Variants in ADGRD2 observed in about 807,000 individuals in gnomAD.
ADGRD2 encodes G protein-coupled receptor PGR24.
In ADGRD2, 71 loss-of-function variants were observed where a neutral mutation model predicts 44.4. That is an observed-to-expected ratio of 1.60 (90% CI 1.32 to 1.95). The LOEUF (loss-of-function observed/expected upper bound fraction) is 1.95. ADGRD2 is among the 30% of genes most tolerant of loss of function. The pLI is 0.00. For missense variants in ADGRD2, 1,039 were observed against 512.4 expected (o/e 2.03, Z -9.92); for synonymous variants, 481 against 224.8 (o/e 2.14, Z -10.19).
intron 10 of ADGRD2, among the ~76,000 whole-genome samples, chr9:124,463,398 G>T (rs1831755189): frequency 6.6e-6 from 1 of 152,112 alleles, no homozygotes; most frequent in African/African-American, 2.4e-5. Flanking sequence ...GTATTTTGTT[G>T]AGGATTTTTA....
intron 11 of ADGRD2, chr9:124,466,645 A>G (rs945333545): frequency 2.9e-6 from 1 of 346,974 alleles, no homozygotes; most frequent in Non-Finnish European, 5.2e-6. Context: ...CCCCGTCTCT[A>G]CCAAAAATGC....
At position 124,454,350 on chromosome 9, in the gene ADGRD2, G is replaced by A. The variant is rs2131228135; in HGVS notation, c.1023-134G>A. 4.9e-6 allele frequency: 3 copies of A among 612,736 alleles called. No individual in the cohort carries two copies. The East Asian group carries it at 8.3e-5, about 17-fold the overall frequency. 38.0% of individuals were successfully genotyped at this position (612,736 alleles called of 1,614,324 possible). Reference sequence around the variant, plus strand: ...TCCCCATCTAGAACACCGTGTGTAAGACTCTGGACACACAGCCATCAAGGT... The same window carrying A: ...TCCCCATCTAGAACACCGTGTGTAAAACTCTGGACACACAGCCATCAAGGT... On this transcript the variant is annotated intron_variant, in intron 4 of 21. Coordinates refer to ENST00000334810, the Ensembl canonical transcript of ADGRD2. The surrounding 1 kb of genome is among the most constrained non-coding windows in gnomAD (Gnocchi z 4.5).
At chr9:124,473,723 C>CGA (rs1228997049) in intron 17 of ADGRD2, among the ~76,000 whole-genome samples, 1 of 152,110 alleles carries the variant, frequency 6.6e-6, no homozygotes, top group Non-Finnish European at 1.5e-5. Flanking sequence ...TGACTGAGGC[C>CGA]GAGAGACAAG....
rs1238373129 is a variant in ADGRD2, at chr9:124,454,223, C to T, written c.1022+126C>T. 8.4e-6 allele frequency: 5 copies of T among 598,376 alleles called. No homozygotes were observed. In the African/African-American group the frequency reaches 9.3e-5, roughly 11 times the overall value. The allele number at this position is 598,376 out of a possible 1,614,324, so 37.1% of individuals were successfully genotyped here. On this transcript the variant is annotated intron_variant, in intron 4 of 21. Transcript: ENST00000334810. This position sits in a 1 kb window ranked among gnomAD's most constrained non-coding sequence, Gnocchi z 4.5. ...GAATAAACTCAGAGCTTCAAGGTCT[C>T]CATGGAGTCTAGGCCACAGAGCAGT...
chr9:124,452,934 A>C, intron 2 of ADGRD2, 101 bp from the exon 6 acceptor site: 1 of 604,564 alleles, frequency 1.7e-6, no homozygotes, highest in Non-Finnish European at 2.9e-6. Context: ...GTGGGGAGGC[A>C]TCCCAAAGCC....
At chr9:124,477,317 C>T (rs1165448291) in intron 21 of ADGRD2, among the ~76,000 whole-genome samples, 2 of 152,210 alleles carry the variant, frequency 1.3e-5, no homozygotes, top group African/African-American at 4.8e-5. Context: ...CGGACCCTGA[C>T]CGCTGGCCGC....
intron 10 of ADGRD2, among the ~76,000 whole-genome samples, chr9:124,461,124 CT>C (rs1373404394): frequency 1.3e-5 from 2 of 152,182 alleles, no homozygotes; most frequent in African/African-American, 4.8e-5. Context: ...ATCTTCAAAT[CT>C]TTTCCCCAAT....
chr9:124,454,173 G>A lies in ADGRD2; in HGVS notation c.1022+76G>A. 1 of 608,408 alleles carries A rather than the reference G, an allele frequency of 1.6e-6. No homozygotes were observed. The highest frequency in any genetic ancestry group is 2.8e-5 in the East Asian group (1 of 36,044). 37.7% of individuals were successfully genotyped at this position (608,408 alleles called of 1,614,324 possible). On this transcript the variant is annotated intron_variant, in intron 4 of 21. Transcript: ENST00000334810. The surrounding 1 kb of genome is among the most constrained non-coding windows in gnomAD (Gnocchi z 4.5). ...ACCGGAGTAGACTGAGAGGGGGTGA[G>A]CTGCTGGCAAAGTCTGGGAATTCAG...
At position 124,454,944 on chromosome 9, in the gene ADGRD2, T is replaced by TC. The variant is rs1222639807; in HGVS notation, c.1214dup (p.Leu406ProfsTer53). ...AGCATGTCCTGGCGATGGAGATGGC[T>TC]CCCCTGGGGCCGGCCGCACTGCTGG... On this transcript the variant is annotated frameshift_variant, in exon 6 of 22. Transcript: ENST00000334810. LOFTEE classifies it high-confidence loss of function. This position sits in a 1 kb window ranked among gnomAD's most constrained non-coding sequence, Gnocchi z 4.5. 3 of 717,650 alleles carry TC rather than the reference T, an allele frequency of 4.2e-6. No individual in the cohort carries two copies. The highest frequency in any genetic ancestry group is 7.8e-6 in the Non-Finnish European group (3 of 385,086). 44.5% of individuals were successfully genotyped at this position (717,650 alleles called of 1,614,324 possible).
At position 124,478,262 on chromosome 9, in the gene ADGRD2, G is replaced by C. The variant is rs1161115674; in HGVS notation, c.*19-19G>C. ...GGATCCTCTGCCAGCCCAGCCCCAAGGGCGCACTTTCCCACCAGGTTTCTA... is the reference window on the plus strand; with the variant it reads ...GGATCCTCTGCCAGCCCAGCCCCAACGGCGCACTTTCCCACCAGGTTTCTA... On this transcript the variant is annotated intron_variant, in intron 21 of 21. Coordinates refer to ENST00000334810, the Ensembl canonical transcript of ADGRD2. 6.6e-6 allele frequency: 1 copy of C among 152,654 alleles called. No homozygotes were observed. Among genetic ancestry groups the C allele is most frequent in the Non-Finnish European group, 1.5e-5 (1 of 68,404 alleles). The allele number at this position is 152,654 out of a possible 1,614,324, so 9.5% of individuals were successfully genotyped here. A position where few individuals can be genotyped will look rare whatever the true frequency, so the allele number is the denominator to read the frequency against.
upstream of ADGRD2, chr9:124,451,683 A>G (rs954796886): frequency 7.8e-6 from 2 of 257,982 alleles, no homozygotes; most frequent in African/African-American, 2.3e-5. Flanking sequence ...CCGTGGTGCT[A>G]CTGTTTCCTC....
At chr9:124,467,883 T>A (rs1831858532) in intron 12 of ADGRD2, 59 bp downstream of exon 15, 1 of 715,076 alleles carries the variant, frequency 1.4e-6, no homozygotes, top group Non-Finnish European at 2.6e-6. Flanking sequence ...CGCTCAGGCC[T>A]CCATGTCCCC....
chr9:124,467,145 C>T (rs1831838491), intron 11 of ADGRD2: 1 of 152,910 alleles, frequency 6.5e-6, no homozygotes, highest in African/African-American at 2.4e-5. Flanking sequence ...CCATCCTGGC[C>T]AACATGGTGA....
At chr9:124,460,899 G>C (rs577746759) in intron 10 of ADGRD2, among the ~76,000 whole-genome samples, 1 of 152,274 alleles carries the variant, frequency 6.6e-6, no homozygotes, top group African/African-American at 2.4e-5. Flanking sequence ...CAAAGTGGTT[G>C]AACCATTTTT....
intron 10 of ADGRD2, chr9:124,465,912 A>G (rs1564141288): frequency 5.6e-6 from 1 of 179,278 alleles, no homozygotes; most frequent in African/African-American, 2.3e-5. Flanking sequence ...AACTTGATCT[A>G]TCTGAGGCCG....
chr9:124,473,777 G>A (rs770257282), intron 17 of ADGRD2, among the ~76,000 whole-genome samples: 3 of 152,192 alleles, frequency 2.0e-5, no homozygotes, highest in Non-Finnish European at 2.9e-5. Flanking sequence ...ACAACTCATC[G>A]GAGGCAGAAT....
chr9:124,452,121 TC>T lies in ADGRD2; in HGVS notation c.35del (p.Gln13ArgfsTer2). The T allele has an allele frequency of 1.4e-6, 1 of 714,008 alleles. No individual in the cohort carries two copies. Among genetic ancestry groups the T allele is most frequent in the Non-Finnish European group, 2.6e-6 (1 of 383,268 alleles). The allele number at this position is 714,008 out of a possible 1,614,324, so 44.2% of individuals were successfully genotyped here. ...GAGTCTCTCTGGGACCCCCTCCAAC[TC>T]CCCAGGTGAATCAAGGAACCCTTGG... On this transcript the variant is annotated frameshift_variant, in exon 1 of 22. Coordinates refer to ENST00000334810, the Ensembl canonical transcript of ADGRD2. LOFTEE classifies it high-confidence loss of function.
chr9:124,458,035 G>C, intron 8 of ADGRD2, 78 bp from the exon 12 acceptor site: 2 of 705,736 alleles, frequency 2.8e-6, no homozygotes, highest in Non-Finnish European at 5.3e-6. Context: ...AGAGTGGGGA[G>C]AGCATCACCC....
intron 2 of ADGRD2, 80 bp from the exon 6 acceptor site, chr9:124,452,955 C>T (rs1831519214): frequency 3.3e-6 from 2 of 605,718 alleles, no homozygotes; most frequent in Non-Finnish European, 2.9e-6. Context: ...TGGAAGGACC[C>T]CACCGCTGAG....
Sources: allele counts gnomAD v4.1 joint callset (sites outside exome capture counted in the v4.1 genomes callset), GRCh38; gene constraint gnomAD v4.1.1; non-coding constraint Gnocchi (gnomAD v3.1); transcripts MANE v1.5; gene names NCBI Gene and HGNC (gene_info 2026-07-23, HGNC 2026-07-21).